IFT140: variants seen among roughly 807,000 people sequenced by gnomAD.
IFT140 encodes intraflagellar transport 140.
IFT140 carries 133 observed loss-of-function variants against 164.6 expected under a neutral mutation model. That is an observed-to-expected ratio of 0.81 (90% CI 0.70 to 0.93). The LOEUF is 0.93. IFT140 is among the 40% of genes least tolerant of loss of function. The pLI, the probability that IFT140 is intolerant of heterozygous loss-of-function variation, is 0.00. For missense variants in IFT140, 2,045 were observed against 1,972.3 expected, an observed-to-expected ratio of 1.04 and a Z score of -0.70; for synonymous variants, 860 against 817.3, an observed-to-expected ratio of 1.05 and a Z score of -0.89.
chr16:1,603,478 C>T (rs937268940), intron 3 of IFT140, among the ~76,000 whole-genome samples: 6 of 151,676 alleles, frequency 4.0e-5, no homozygotes, highest in African/African-American at 1.5e-4. Flanking sequence ...ATATGTGCTG[C>T]GTTTCCTCTT....
intron 7 of IFT140, 26 bp from the exon 8 acceptor site, chr16:1,588,050 G>A: frequency 1.2e-6 from 2 of 1,606,822 alleles, no homozygotes; most frequent in Non-Finnish European, 1.7e-6. Context: ...ACCGAGCAGA[G>A]GCACCGTGCT....
In IFT140 at chr16:1,602,507, C is replaced by G. The variant is rs1456967571; in HGVS notation, c.232G>C (p.Val78Leu). 1 of 1,614,212 alleles carries G rather than the reference C, an allele frequency of 6.2e-7. No individual in the cohort carries two copies. Among genetic ancestry groups the G allele is most frequent in the East Asian group, 2.2e-5 (1 of 44,880 alleles). ...GTCACTTCTCCAGTCTCCCAGCCCA[C>G]AGCCAGCACCAGCCGCGTCGGGTGC... ...CWHPTRLVLAVGWETGEVTVF... is the reference protein window; with the variant it reads ...CWHPTRLVLALGWETGEVTVF... Residue 78 changes from valine to leucine, a missense_variant, in exon 4 of 31, where the codon GTG (valine) becomes CTG (leucine). Transcript: ENST00000426508.
chr16:1,580,117 TC>T (rs2034479894), intron 13 of IFT140: 1 of 152,220 alleles, frequency 6.6e-6, no homozygotes. Context: ...GGATTTATTT[TC>T]TTTTCATAGC....
chr16:1,574,382 T>C (rs1210785816), intron 13 of IFT140, among the ~76,000 whole-genome samples: 1 of 152,062 alleles, frequency 6.6e-6, no homozygotes, highest in Non-Finnish European at 1.5e-5. Context: ...TAGGCTCAGG[T>C]AATTGTCCCA....
At position 1,589,792 on chromosome 16, in the gene IFT140, C is replaced by G. The variant is rs12447357; in HGVS notation, c.635-12G>C. 0.13 allele frequency: 214,173 copies of G among 1,605,778 alleles called. 17,963 individuals are homozygous for G. Among genetic ancestry groups the G allele is most frequent in the African/African-American group, 0.34 (25,339 of 74,818 alleles). ...ATAGTGCACTGTCCCTGGGGACAAA[C>G]GTGGGGTCACTACATGAGGAGGCCC... On this transcript the variant is annotated splice_polypyrimidine_tract_variant and intron_variant, in intron 6 of 30. Coordinates refer to ENST00000426508, the MANE Select transcript of IFT140 (RefSeq NM_014714.4).
At chr16:1,576,586 C>G (rs867710476) in intron 13 of IFT140, 1 of 134,504 alleles carries the variant, frequency 7.4e-6, no homozygotes, top group Admixed American at 7.3e-5. Flanking sequence ...AGGGAAACTT[C>G]GTCTCAAAAA....
At chr16:1,535,283 C>G (rs1468967031) in intron 19 of IFT140, among the ~76,000 whole-genome samples, 1 of 151,980 alleles carries the variant, frequency 6.6e-6, no homozygotes, top group Non-Finnish European at 1.5e-5. Flanking sequence ...GGAAGGGGCT[C>G]AGAATGATGC....
In IFT140 at chr16:1,553,294, GTCTC is replaced by G. The variant is rs1244777419; in HGVS notation, c.2399+4637_2399+4640del. The G allele has an allele frequency of 1.0e-6, 1 of 981,870 alleles. No individual in the cohort carries two copies. Among genetic ancestry groups the G allele is most frequent in the Non-Finnish European group, 1.2e-6 (1 of 827,094 alleles). The allele number at this position is 981,870 out of a possible 1,614,324, so 60.8% of individuals were successfully genotyped here. A position where few individuals can be genotyped will look rare whatever the true frequency, so the allele number is the denominator to read the frequency against. On this transcript the variant is annotated intron_variant, in intron 19 of 30. Coordinates refer to ENST00000426508, the MANE Select transcript of IFT140 (RefSeq NM_014714.4). The surrounding 1 kb of genome is among the most constrained non-coding windows in gnomAD (Gnocchi z 4.4). ...TCTCTGTCTCTCTGTGTCTCTGCCT[GTCTC>G]TCTGTGTCTCTGTCTCTGTGTCTCT...
chr16:1,592,106 G>C (rs1024478558), intron 6 of IFT140, 70 bp downstream of exon 6: 105 of 1,532,880 alleles, frequency 6.8e-5, no homozygotes, highest in Non-Finnish European at 9.1e-5. Flanking sequence ...CGCCATCTGT[G>C]AGTTTAAAAT....
intron 19 of IFT140, among the ~76,000 whole-genome samples, chr16:1,528,230 C>G (rs2029936482): frequency 6.6e-6 from 1 of 152,186 alleles, no homozygotes; most frequent in South Asian, 2.1e-4. Context: ...CAGGGACAGG[C>G]AGAGGACGCA....
In IFT140 at chr16:1,565,029, C is replaced by T. The variant is rs529279196; in HGVS notation, c.1902-867G>A. Reference sequence around the variant, plus strand: ...CAAGCTGGTTCCCGTGAGGTGAGACCGGCCTGGTACGGGACGGGAACGGAC... The same window carrying T: ...CAAGCTGGTTCCCGTGAGGTGAGACTGGCCTGGTACGGGACGGGAACGGAC... On this transcript the variant is annotated intron_variant, in intron 16 of 30. Coordinates refer to ENST00000426508, the MANE Select transcript of IFT140 (RefSeq NM_014714.4). Among the ~76,000 whole-genome samples the T allele has an allele frequency of 7.0e-4, 106 of 152,252 alleles. 2 individuals are homozygous for T. In the South Asian group the frequency reaches 0.021, roughly 30 times the overall value.
intron 20 of IFT140, 66 bp from the exon 21 acceptor site, chr16:1,526,143 C>T (rs1312378093): frequency 7.1e-7 from 1 of 1,415,966 alleles, no homozygotes; most frequent in Non-Finnish European, 9.6e-7. Context: ...CACACTGTTC[C>T]ACGCCAGGCC....
rs534351040 is a variant in IFT140 at position 1,529,401 on chromosome 16, C to T, written c.2400-2605G>A. ...TCTGATGGCCTCACATGGGGCTCCT[C>T]ACAGCACCTGGGTGCACCCACTGGC... On this transcript the variant is annotated intron_variant, in intron 19 of 30. Transcript: ENST00000426508. 5.3e-5 allele frequency among the ~76,000 whole-genome samples: 8 copies of T among 152,340 alleles called. No homozygotes were observed. The South Asian group carries it at 1.2e-3, about 24-fold the overall frequency.
In IFT140 at chr16:1,580,659, C is replaced by G. The variant is rs1054735864; in HGVS notation, c.1524+100G>C. 3.8e-6 allele frequency: 3 copies of G among 789,384 alleles called. No homozygotes were observed. The Admixed American group carries it at 6.1e-5, about 16-fold the overall frequency. The allele number at this position is 789,384 out of a possible 1,614,324, so 48.9% of individuals were successfully genotyped here. A position where few individuals can be genotyped will look rare whatever the true frequency, so the allele number is the denominator to read the frequency against. On this transcript the variant is annotated intron_variant, in intron 13 of 30. Coordinates refer to ENST00000426508, the MANE Select transcript of IFT140 (RefSeq NM_014714.4). The stretch of plus-strand genomic sequence containing the variant: ...GTTCTTTACACAGTGTGAGAAAGGA[C>G]TAATAACCTTAGGTGAAATCAATAA...
chr16:1,558,794 G>A (rs1225741759), intron 18 of IFT140, among the ~76,000 whole-genome samples: 6 of 152,208 alleles, frequency 3.9e-5, no homozygotes, highest in Admixed American at 2.0e-4. Context: ...GCACTCCCCC[G>A]TGTGAAACGG....
chr16:1,523,915 C>T lies in IFT140; in HGVS notation c.3183G>A (p.Leu1061=). ...LDDQLMNLAL[L]SSPEDMIEAA... is the part of the protein sequence containing the mutation. ...CCTCGATCATGTCCTCGGGGGAGCTCAGCAGGGCCAAGTTCATGAGCTGGT... is the reference window on the plus strand; with the variant it reads ...CCTCGATCATGTCCTCGGGGGAGCTTAGCAGGGCCAAGTTCATGAGCTGGT... Residue 1061 remains leucine (L), a synonymous_variant, in exon 25 of 31, where the codon CTG becomes CTA. Transcript: ENST00000426508. 6.2e-7 allele frequency: 1 copy of T among 1,613,376 alleles called. No individual in the cohort carries two copies.
At chr16:1,591,199 T>C (rs956177504) in intron 6 of IFT140, among the ~76,000 whole-genome samples, 1 of 152,032 alleles carries the variant, frequency 6.6e-6, no homozygotes, top group Non-Finnish European at 1.5e-5. Flanking sequence ...CCCCCTCCTC[T>C]AGGTGACCAG....
intron 19 of IFT140, among the ~76,000 whole-genome samples, chr16:1,536,316 C>T (rs2031068119): frequency 6.6e-6 from 1 of 152,224 alleles, no homozygotes; most frequent in East Asian, 1.9e-4. Flanking sequence ...CCCGGCTGTC[C>T]ACTTGCTTAG....
chr16:1,518,671 G>T (rs2040434088), intron 29 of IFT140, among the ~76,000 whole-genome samples: 1 of 151,824 alleles, frequency 6.6e-6, no homozygotes, highest in African/African-American at 2.4e-5. Flanking sequence ...ACCCAGAGGG[G>T]ATGTGGTGCA....
Sources: gnomAD v4.1 joint callset for allele counts (sites outside exome capture counted in the v4.1 genomes callset) on GRCh38, gnomAD v4.1.1 for gene constraint, Gnocchi (gnomAD v3.1) non-coding constraint, MANE v1.5 for transcripts, NCBI Gene and HGNC (gene_info 2026-07-23, HGNC 2026-07-21) for gene names.